The following TICAM1 variants were observed in gnomAD, a reference collection of about 807,000 sequenced individuals.
The protein encoded by TICAM1 is TIR domain-containing adapter molecule 1.
For missense variants in TICAM1, 895 were observed against 938.2 expected (o/e 0.95, Z 0.60); for synonymous variants, 439 against 415.4 (o/e 1.06, Z -0.69).
rs182742768 is a variant in TICAM1 at position 4,822,123 on chromosome 19, C to T, written c.-139-3607G>A. On this transcript the variant is annotated intron_variant, in intron 1 of 1. Coordinates refer to ENST00000248244, the MANE Select transcript of TICAM1 (RefSeq NM_182919.4). ...GCTAATTTTGTATTTTTAGTAGAGACGGGGTTTCTCCGTGTTGGCCAGGCT... is the reference window on the plus strand; with the variant it reads ...GCTAATTTTGTATTTTTAGTAGAGATGGGGTTTCTCCGTGTTGGCCAGGCT... Among the ~76,000 whole-genome samples the T allele has an allele frequency of 1.3e-3, 195 of 150,476 alleles. 1 individual carries two copies. The highest frequency in any genetic ancestry group is 2.5e-3 in the Admixed American group (38 of 15,000).
intron 1 of TICAM1, among the ~76,000 whole-genome samples, chr19:4,827,348 G>A (rs1307524704): frequency 9.6e-6 from 1 of 104,266 alleles, no homozygotes; most frequent in Non-Finnish European, 1.7e-5. Context: ...TCCAGCCTAG[G>A]CTACAAGAGT....
At chr19:4,831,182 T>C (rs1436180191) in intron 1 of TICAM1, among the ~76,000 whole-genome samples, 1 of 150,898 alleles carries the variant, frequency 6.6e-6, no homozygotes, top group Non-Finnish European at 1.5e-5. Context: ...GGGAGGGACC[T>C]TGGGTGTCAG....
intron 1 of TICAM1, among the ~76,000 whole-genome samples, chr19:4,822,273 C>T (rs188817792): frequency 1.3e-5 from 2 of 150,836 alleles, no homozygotes; most frequent in Non-Finnish European, 2.9e-5. Context: ...CACAGAGTCT[C>T]GCTCTGTCGC....
intron 1 of TICAM1, among the ~76,000 whole-genome samples, chr19:4,827,392 A>AG: frequency 6.8e-6 from 1 of 146,664 alleles, no homozygotes; most frequent in Non-Finnish European, 1.5e-5. Context: ...AAAAAAAAAA[A>AG]AAAAAAAAAA....
rs2146170169 is a variant in TICAM1, at chr19:4,817,599, TC to T, written c.778del (p.Glu260ArgfsTer79). ...PEEMSWPPSG[E>X]IASPPELPSS... ...TGGCAGCTCTGGTGGGCTGGCAATCTCCCCCGATGGCGGCCAGCTCATCTCC... is the reference window on the plus strand; with the variant it reads ...TGGCAGCTCTGGTGGGCTGGCAATCTCCCCGATGGCGGCCAGCTCATCTCC... On this transcript the variant is annotated frameshift_variant, in exon 2 of 2. Transcript: ENST00000248244. LOFTEE classifies it low-confidence loss of function (END_TRUNC). The surrounding 1 kb of genome is among the most constrained non-coding windows in gnomAD (Gnocchi z 4.7). The T allele has an allele frequency of 6.2e-7, 1 of 1,603,998 alleles. No individual in the cohort carries two copies.
rs2093586815 is a variant in TICAM1, at chr19:4,816,933, G to A, written c.1445C>T (p.Ser482Leu). ...CAGGAAGGGGATGACACAGTCTGGC[G>A]ACCCCTGTCGCGTGAGGTTGCTCAT... Reference protein sequence around the residue: ...AMMSNLTRQGSPDCVIPFLPL... With the variant: ...AMMSNLTRQGLPDCVIPFLPL... Residue 482 changes from serine to leucine, a missense_variant, in exon 2 of 2, where the codon TCG becomes TTG. Coordinates refer to ENST00000248244, the MANE Select transcript of TICAM1 (RefSeq NM_182919.4). This position sits in a 1 kb window ranked among gnomAD's most constrained non-coding sequence, Gnocchi z 4.3. 6.2e-6 allele frequency: 10 copies of A among 1,613,822 alleles called. No individual in the cohort carries two copies. Among genetic ancestry groups the A allele is most frequent in the African/African-American group, 1.3e-5 (1 of 74,942 alleles).
chr19:4,829,346 C>T (rs7245649), intron 1 of TICAM1, among the ~76,000 whole-genome samples: 1 of 18,212 alleles, frequency 5.5e-5, no homozygotes, highest in Non-Finnish European at 9.5e-5. Context: ...ATTCTCTCTG[C>T]CCCCCCGGGC....
chr19:4,829,465 C>G (rs1323364437), intron 1 of TICAM1, among the ~76,000 whole-genome samples: 2 of 151,336 alleles, frequency 1.3e-5, no homozygotes, highest in East Asian at 2.0e-4. Flanking sequence ...TCTCACTGTC[C>G]ATGGCTGGGA....
intron 1 of TICAM1, among the ~76,000 whole-genome samples, chr19:4,827,185 T>C (rs553667769): frequency 6.7e-6 from 1 of 150,150 alleles, no homozygotes; most frequent in South Asian, 2.1e-4. Context: ...ACCCCGTCTG[T>C]ACTAAAAATA....
At chr19:4,824,027 A>G (rs2093601968) in intron 1 of TICAM1, among the ~76,000 whole-genome samples, 1 of 140,856 alleles carries the variant, frequency 7.1e-6, no homozygotes, top group African/African-American at 2.6e-5. Flanking sequence ...TTTTTTTTTT[A>G]GGATGAAGTC....
At position 4,818,397 on chromosome 19, in the gene TICAM1, C is replaced by T; in HGVS notation, c.-20G>A. 1.3e-6 allele frequency: 2 copies of T among 1,553,272 alleles called. No individual in the cohort carries two copies. Among genetic ancestry groups the T allele is most frequent in the South Asian group, 1.2e-5 (1 of 82,008 alleles). ...GGCCATGGGCACAGGTGGGTGCAGC[C>T]TCCGGCAGCAGAAGCTGGAGGTGGT... On this transcript the variant is annotated 5_prime_UTR_variant, in exon 2 of 2. Transcript: ENST00000248244. The surrounding 1 kb of genome is among the most constrained non-coding windows in gnomAD (Gnocchi z 4.0).
chr19:4,823,212 C>T (rs889788200), intron 1 of TICAM1, among the ~76,000 whole-genome samples: 4 of 152,120 alleles, frequency 2.6e-5, no homozygotes, highest in African/African-American at 9.7e-5. Flanking sequence ...CGCCTGTAAT[C>T]CCAGCACTTT....
At chr19:4,821,305 G>A (rs1451850107) in intron 1 of TICAM1, among the ~76,000 whole-genome samples, 3 of 152,086 alleles carry the variant, frequency 2.0e-5, no homozygotes, top group African/African-American at 7.2e-5. Context: ...TGGAGCAACT[G>A]ACTGTCTAAT....
At chr19:4,829,188 C>A (rs976788087) in intron 1 of TICAM1, among the ~76,000 whole-genome samples, 2 of 152,162 alleles carry the variant, frequency 1.3e-5, no homozygotes, top group Non-Finnish European at 2.9e-5. Flanking sequence ...CAAACATTAG[C>A]ATGCAAGACT....
intron 1 of TICAM1, among the ~76,000 whole-genome samples, chr19:4,827,312 G>A (rs141326125): frequency 0.2 from 28,032 of 141,936 alleles, 4,156 homozygotes; most frequent in African/African-American, 0.42. Context: ...CGGAGGTTGC[G>A]GTGAGCTGAG....
intron 1 of TICAM1, among the ~76,000 whole-genome samples, chr19:4,821,518 ATC>A (rs1169366475): frequency 6.6e-6 from 1 of 151,622 alleles, no homozygotes; most frequent in East Asian, 1.9e-4. Context: ...CTCTGCCTAT[ATC>A]TCTGTTACCC....
chr19:4,822,109 AT>A (rs1399458902), intron 1 of TICAM1, among the ~76,000 whole-genome samples: 2 of 141,790 alleles, frequency 1.4e-5, no homozygotes, highest in African/African-American at 2.7e-5. Context: ...CTAATTTTGT[AT>A]TTTTAGTAGA....
At chr19:4,820,355 G>A (rs2093595251) in intron 1 of TICAM1, among the ~76,000 whole-genome samples, 1 of 151,374 alleles carries the variant, frequency 6.6e-6, no homozygotes, top group Admixed American at 6.6e-5. Context: ...GGGAGGCGGA[G>A]GTTGCAGTGA....
At chr19:4,826,561 G>A (rs757602736) in intron 1 of TICAM1, among the ~76,000 whole-genome samples, 1 of 152,150 alleles carries the variant, frequency 6.6e-6, no homozygotes, top group African/African-American at 2.4e-5. Flanking sequence ...CTGACCTCAA[G>A]TGATCTGCCA....
Sources: gnomAD v4.1 joint callset for allele counts (sites outside exome capture counted in the v4.1 genomes callset) on GRCh38, gnomAD v4.1.1 for gene constraint, Gnocchi (gnomAD v3.1) non-coding constraint, MANE v1.5 for transcripts, NCBI Gene and HGNC (gene_info 2026-07-23, HGNC 2026-07-21) for gene names.